Variants in TARS1 observed in about 807,000 individuals in gnomAD.
TARS1 encodes the protein threonine--tRNA ligase 1, cytoplasmic.
TARS1 carries 57 observed loss-of-function variants against 97.7 expected under a neutral mutation model. The ratio of observed to expected loss-of-function variants is 0.58; its 90% CI spans 0.47 to 0.73. The LOEUF is 0.73. TARS1 is among the 30% of genes least tolerant of loss of function. TARS1 has a pLI of 0.00. For synonymous variants in TARS1, 312 were observed against 293.7 expected (o/e 1.06, Z -0.64); for missense variants, 806 against 888.3 (o/e 0.91, Z 1.18).
intron 16 of TARS1, 80 bp from the exon 17 acceptor site, chr5:33,463,673 A>G (rs764854396): frequency 4.9e-6 from 6 of 1,236,308 alleles, no homozygotes; most frequent in South Asian, 1.3e-5. Context: ...AAGATACTGA[A>G]GAGTAGAGTA....
At chr5:33,445,928 CACACTGAAAGGA>C (rs1329091388) in intron 2 of TARS1, 1 of 154,036 alleles carries the variant, frequency 6.5e-6, no homozygotes, top group Admixed American at 6.4e-5. Flanking sequence ...TCTCCAGGCT[CACACTGAAAGGA>C]ACTGGCATAT....
chr5:33,462,071 GACAAA>G (rs1296857559), intron 15 of TARS1, 23 bp from the exon 16 acceptor site: 1 of 1,604,040 alleles, frequency 6.2e-7, no homozygotes, highest in East Asian at 2.2e-5. Context: ...TATATAATAA[GACAAA>G]ACAATTTTTT....
At position 33,445,326 on chromosome 5, in the gene TARS1, T is replaced by C; in HGVS notation, c.60T>C (p.Ile20=). 1 of 1,611,180 alleles carries C rather than the reference T, an allele frequency of 6.2e-7. No homozygotes were observed. Among genetic ancestry groups the C allele is most frequent in the South Asian group, 1.1e-5 (1 of 90,658 alleles). Residue 20 remains isoleucine, a splice_region_variant and synonymous_variant, in exon 2 of 19, where the codon ATT becomes ATC. Coordinates refer to ENST00000265112, the MANE Select transcript of TARS1 (RefSeq NM_152295.5). ...TAAAACGTTTTTTGCTTATTTAGAT[T>C]GGTGCTGGTGAAGAGAAGCAAAAGG... ...SGKMGGEEKP[I]GAGEEKQKEG...
In TARS1 at chr5:33,461,073, C is replaced by T; in HGVS notation, c.1413+9C>T. ...TCTGTGCCATGGAGCAGGTATGAGA[C>T]CCTGGGAATAAAATACTTAGAAAGA... is the stretch of plus-strand genomic sequence containing the variant. On this transcript the variant is annotated intron_variant, in intron 12 of 18. Transcript: ENST00000265112. 1 of 1,612,378 alleles carries T rather than the reference C, an allele frequency of 6.2e-7. No homozygotes were observed.
At chr5:33,453,520 C>G in intron 4 of TARS1, 108 bp downstream of exon 4, 5 of 1,353,536 alleles carry the variant, frequency 3.7e-6, no homozygotes, top group Middle Eastern at 4.5e-4. Flanking sequence ...ATTGTTGTCT[C>G]ACTGTCATAT....
chr5:33,443,707 G>A (rs1741266199), intron 1 of TARS1, among the ~76,000 whole-genome samples: 1 of 152,004 alleles, frequency 6.6e-6, no homozygotes, highest in Admixed American at 6.6e-5. Context: ...GTGTTAGCCA[G>A]GATGGTCTCG....
intron 3 of TARS1, among the ~76,000 whole-genome samples, chr5:33,452,779 T>C (rs535238106): frequency 2.0e-5 from 3 of 152,084 alleles, no homozygotes; most frequent in South Asian, 4.1e-4. Flanking sequence ...GCCTTTTTTT[T>C]TTCCTTTGGA....
rs571785357 is a variant in TARS1, at chr5:33,448,548, C to T, written c.146C>T (p.Pro49Leu). The stretch of plus-strand genomic sequence containing the variant: ...TTGTTTGTTGTCTTGCAGTTGAATC[C>T]TTGGCCTGAATATATTTACACACGT... ...SGDGGRAELNPWPEYIYTRLE... is the reference protein window; with the variant it reads ...SGDGGRAELNLWPEYIYTRLE... The change falls in exon 3 of 19, where the codon CCT (proline) becomes CTT (leucine). Residue 49 changes from proline to leucine, a missense_variant. Coordinates refer to ENST00000265112, the MANE Select transcript of TARS1 (RefSeq NM_152295.5). The T allele has an allele frequency of 5.3e-5, 83 of 1,571,300 alleles. No homozygotes were observed. The highest frequency in any genetic ancestry group is 7.2e-5 in the Admixed American group (4 of 55,176).
In TARS1 at chr5:33,462,173, C is replaced by T. The variant is rs1379683695; in HGVS notation, c.1805C>T (p.Ala602Val). 6.2e-7 allele frequency: 1 copy of T among 1,612,674 alleles called. No individual in the cohort carries two copies. Residue 602 changes from alanine to valine, a missense_variant, in exon 16 of 19, where the codon GCT becomes GTT. This residue lies in a region of TARS1 where 446 missense variants were observed against 511.0 expected (regional missense o/e 0.87). Coordinates refer to ENST00000265112, the MANE Select transcript of TARS1 (RefSeq NM_152295.5). ...TTGGGATCAGTGGAAAGAATGATTG[C>T]TATCCTCACAGAAAACTATGGGGGC... ...AILGSVERMI[A>V]ILTENYGGKW...
chr5:33,446,717 A>T (rs915006393), intron 2 of TARS1: 11 of 1,289,288 alleles, frequency 8.5e-6, no homozygotes, highest in Non-Finnish European at 1.1e-5. Flanking sequence ...GGGACATTGC[A>T]AGTGGCTATG....
chr5:33,440,770 G>T, upstream of TARS1: 1 of 484,314 alleles, frequency 2.1e-6, no homozygotes, highest in Non-Finnish European at 3.7e-6. Context: ...AAAGCGTCCA[G>T]ACCAAGGTCA....
intron 16 of TARS1, 35 bp from the exon 17 acceptor site, chr5:33,463,718 A>C: frequency 6.5e-7 from 1 of 1,548,864 alleles, no homozygotes; most frequent in Non-Finnish European, 8.9e-7. Context: ...GAATATGCCC[A>C]CATCTACACT....
intron 3 of TARS1, among the ~76,000 whole-genome samples, chr5:33,450,412 A>C (rs1259914437): frequency 6.6e-6 from 1 of 152,220 alleles, no homozygotes; most frequent in Non-Finnish European, 1.5e-5. Flanking sequence ...AGTTAGGCCT[A>C]TGAGCCATGA....
intron 3 of TARS1, among the ~76,000 whole-genome samples, chr5:33,450,034 G>T (rs1270187726): frequency 3.3e-5 from 5 of 152,132 alleles, no homozygotes; most frequent in Non-Finnish European, 7.3e-5. Context: ...TAACACATAC[G>T]AGAAGTAGTC....
At chr5:33,458,795 C>A in intron 10 of TARS1, 131 bp downstream of exon 10, 3 of 742,398 alleles carry the variant, frequency 4.0e-6, no homozygotes, top group Non-Finnish European at 6.2e-6. Context: ...AAGTAGAAGT[C>A]TGTGGCCTCA....
At position 33,459,798 on chromosome 5, in the gene TARS1, T is replaced by C. The variant is rs2111570493; in HGVS notation, c.1187T>C (p.Met396Thr). Residue 396 changes from methionine to threonine, a missense_variant, in exon 11 of 19, where the codon ATG becomes ACG. Around this residue, in one of 3 missense-constraint regions of TARS1, gnomAD observed 446 missense variants for 511.0 expected, o/e 0.87. Coordinates refer to ENST00000265112, the MANE Select transcript of TARS1 (RefSeq NM_152295.5). Reference sequence around the variant, plus strand: ...CACTGGCAGCACTACAGCGAGAACATGTTCTCCTTTGAGGTGGAGAAGGAG... The same window carrying C: ...CACTGGCAGCACTACAGCGAGAACACGTTCTCCTTTGAGGTGGAGAAGGAG... ...SGHWQHYSEN[M>T]FSFEVEKELF... 6.2e-7 allele frequency: 1 copy of C among 1,614,164 alleles called. No individual in the cohort carries two copies. The highest frequency in any genetic ancestry group is 2.2e-5 in the East Asian group (1 of 44,874).
At chr5:33,463,917 G>A in intron 17 of TARS1, 92 bp downstream of exon 17, 1 of 1,105,066 alleles carries the variant, frequency 9.0e-7, no homozygotes, top group African/African-American at 1.6e-5. Flanking sequence ...GAATCGAGCT[G>A]TTGTGATAAA....
At chr5:33,452,067 T>G (rs1248606206) in intron 3 of TARS1, among the ~76,000 whole-genome samples, 1 of 152,186 alleles carries the variant, frequency 6.6e-6, no homozygotes, top group African/African-American at 2.4e-5. Context: ...TACTTTCTGT[T>G]TGGTTCTTTT....
intron 6 of TARS1, 49 bp from the exon 7 acceptor site, chr5:33,455,953 T>TA (rs757620234): frequency 3.9e-6 from 6 of 1,539,776 alleles, no homozygotes; most frequent in Non-Finnish European, 5.4e-6. Context: ...TACTTAGAAG[T>TA]AAAAATTAAA....
Sources: gnomAD v4.1 joint callset for allele counts (sites outside exome capture counted in the v4.1 genomes callset) on GRCh38, gnomAD v4.1.1 for gene constraint, gnomAD v4.1.1 regional missense constraint, MANE v1.5 for transcripts, NCBI Gene and HGNC (gene_info 2026-07-23, HGNC 2026-07-21) for gene names.